LASP1: variants seen among roughly 807,000 people sequenced by gnomAD.
LASP1 encodes LIM and SH3 protein 1.
Under a neutral mutation model 38.6 loss-of-function variants are expected in LASP1, and 10 were observed. That is an observed-to-expected ratio of 0.26 (90% CI 0.16 to 0.44). LASP1 has a LOEUF of 0.44. Among genes scored for constraint, LASP1 ranks in the 20% least tolerant of loss-of-function variants. The pLI is 1.00. For synonymous variants in LASP1, 132 were observed against 140.8 expected, an observed-to-expected ratio of 0.94 and a Z score of 0.44; for missense variants, 243 against 375.7, an observed-to-expected ratio of 0.65 and a Z score of 2.92.
Position 38,871,948 on chromosome 17 carries a change from C to G in LASP1, c.69+1690C>G, listed in dbSNP as rs551650984. Among the ~76,000 whole-genome samples the G allele has an allele frequency of 2.0e-5, 3 of 152,118 alleles. No homozygotes were observed. The East Asian group carries it at 5.8e-4, about 29-fold the overall frequency. ...GCACACTGGGGTTTCGCCCGCCCCT[C>G]GTGGCAGAGATTTTGGCCTCTGCAT... On this transcript the variant is annotated intron_variant, in intron 1 of 6. Transcript: ENST00000318008.
intron 6 of LASP1, among the ~76,000 whole-genome samples, chr17:38,917,328 CAG>C (rs1176438965): frequency 2.6e-5 from 4 of 152,078 alleles, no homozygotes; most frequent in African/African-American, 9.7e-5. Flanking sequence ...TGTGGAGCCT[CAG>C]AGACCAGTCA....
intron 2 of LASP1, 94 bp from the exon 3 acceptor site, chr17:38,890,326 G>C (rs1598109971): frequency 1.7e-6 from 2 of 1,200,944 alleles, no homozygotes; most frequent in East Asian, 4.7e-5. Context: ...CCAAGCATAG[G>C]ACGAAGTTCC....
intron 1 of LASP1, among the ~76,000 whole-genome samples, chr17:38,874,913 C>T (rs9890615): frequency 0.03 from 4,540 of 152,180 alleles, 228 homozygotes; most frequent in African/African-American, 0.1. Flanking sequence ...CTGCTCAGTA[C>T]ACCCCACCCT....
chr17:38,898,554 G>A, intron 4 of LASP1, 35 bp downstream of exon 4: 2 of 1,474,536 alleles, frequency 1.4e-6, no homozygotes, highest in Non-Finnish European at 1.9e-6. Context: ...CATCCCTGCT[G>A]CCCTCTGTTT....
At chr17:38,877,513 A>C (rs1338476587) in intron 1 of LASP1, among the ~76,000 whole-genome samples, 1 of 152,106 alleles carries the variant, frequency 6.6e-6, no homozygotes, top group Non-Finnish European at 1.5e-5. Flanking sequence ...CAGGCATCCC[A>C]CAGGAAGTGG....
intron 4 of LASP1, among the ~76,000 whole-genome samples, chr17:38,901,627 G>C: frequency 6.6e-6 from 1 of 152,168 alleles, no homozygotes. Context: ...GAATCAGCAT[G>C]TTAGACACAT....
intron 2 of LASP1, among the ~76,000 whole-genome samples, chr17:38,890,047 T>C (rs900336893): frequency 5.9e-5 from 9 of 152,242 alleles, no homozygotes; most frequent in Non-Finnish European, 1.2e-4. Context: ...TGTGCCCATC[T>C]TCCCCCAGCC....
chr17:38,890,098 G>A, intron 2 of LASP1: 1 of 296,332 alleles, frequency 3.4e-6, no homozygotes, highest in South Asian at 4.3e-5. Flanking sequence ...TAGGCACAAG[G>A]CATGGATTAT....
At chr17:38,909,778 C>T (rs1376824455) in intron 4 of LASP1, among the ~76,000 whole-genome samples, 2 of 151,892 alleles carry the variant, frequency 1.3e-5, no homozygotes, top group African/African-American at 4.8e-5. Context: ...GAGATGGACT[C>T]ACTCTGTCTC....
At chr17:38,886,245 T>C (rs1469975345) in intron 2 of LASP1, among the ~76,000 whole-genome samples, 1 of 151,736 alleles carries the variant, frequency 6.6e-6, no homozygotes, top group Non-Finnish European at 1.5e-5. Context: ...TGAAGCGTAG[T>C]GAGCCGGGAG....
At chr17:38,881,187 C>A (rs1913939015) in intron 2 of LASP1, among the ~76,000 whole-genome samples, 3 of 152,220 alleles carry the variant, frequency 2.0e-5, no homozygotes, top group Admixed American at 2.0e-4. Context: ...TTATTGAGCT[C>A]TTGCTATGTG....
At position 38,889,189 on chromosome 17, in the gene LASP1, G is replaced by T. The variant is rs577218791; in HGVS notation, c.165-1231G>T. ...TCTGTCACATAGGCTGGAGTGCAAT[G>T]GCAGGATCTTGGCTCAGTGCAACCT... is the stretch of plus-strand genomic sequence containing the variant. On this transcript the variant is annotated intron_variant, in intron 2 of 6. Coordinates refer to ENST00000318008, the MANE Select transcript of LASP1 (RefSeq NM_006148.4). Among the ~76,000 whole-genome samples the T allele has an allele frequency of 2.0e-5, 3 of 152,192 alleles. No homozygotes were observed. In the East Asian group the frequency reaches 5.8e-4, roughly 29 times the overall value.
chr17:38,886,520 C>T (rs1400139889), intron 2 of LASP1, among the ~76,000 whole-genome samples: 3 of 152,132 alleles, frequency 2.0e-5, no homozygotes, highest in Non-Finnish European at 4.4e-5. Context: ...GCTGGCTCAC[C>T]CCCACTTCCC....
At chr17:38,890,526 G>A in intron 3 of LASP1, 22 bp downstream of exon 3, 1 of 1,606,078 alleles carries the variant, frequency 6.2e-7, no homozygotes, top group Non-Finnish European at 8.5e-7. Flanking sequence ...GGCGGTGCTG[G>A]GGCCTGGCAG....
Position 38,919,834 on chromosome 17 carries a change from G to A in LASP1, c.*1056G>A. 1 of 449,306 alleles carries A rather than the reference G, an allele frequency of 2.2e-6. No homozygotes were observed. The highest frequency in any genetic ancestry group is 4.3e-6 in the Non-Finnish European group (1 of 232,864). The allele number at this position is 449,306 out of a possible 1,614,324, so 27.8% of individuals were successfully genotyped here. The stretch of plus-strand genomic sequence containing the variant: ...CTCCAAGACCTGGTGTGCGGAGGCA[G>A]GAGCATGTATGTCTGCAGGTGTCTG... On this transcript the variant is annotated 3_prime_UTR_variant, in exon 7 of 7. Transcript: ENST00000318008.
intron 1 of LASP1, among the ~76,000 whole-genome samples, chr17:38,874,842 C>T (rs570108682): frequency 2.0e-5 from 3 of 152,228 alleles, no homozygotes; most frequent in Admixed American, 6.5e-5. Flanking sequence ...GCTTCCTCCG[C>T]GTGGCAGCCT....
intron 3 of LASP1, among the ~76,000 whole-genome samples, chr17:38,896,134 G>A (rs1280728861): frequency 8.2e-6 from 1 of 121,734 alleles, no homozygotes; most frequent in Non-Finnish European, 2.0e-5. Flanking sequence ...CTGAAGAGGG[G>A]CTCTGGGCTG....
chr17:38,902,436 G>T (rs536015729), intron 4 of LASP1, among the ~76,000 whole-genome samples: 321 of 138,836 alleles, frequency 2.3e-3, no homozygotes, highest in African/African-American at 8.4e-3. Context: ...TAAACTCCTG[G>T]ACTTAAGTGA....
At chr17:38,905,884 C>T (rs1055617690) in intron 4 of LASP1, among the ~76,000 whole-genome samples, 8 of 152,040 alleles carry the variant, frequency 5.3e-5, no homozygotes, top group South Asian at 4.2e-4. Flanking sequence ...TAGCAAGATA[C>T]CATCTCTACA....
Sources: gnomAD v4.1 joint callset for allele counts (sites outside exome capture counted in the v4.1 genomes callset) on GRCh38, gnomAD v4.1.1 for gene constraint, MANE v1.5 for transcripts, NCBI Gene and HGNC (gene_info 2026-07-23, HGNC 2026-07-21) for gene names.